Variants in PTH2R observed in about 807,000 individuals in gnomAD.
The protein encoded by PTH2R is PTH2 receptor.
In PTH2R, 59 loss-of-function variants were observed where a neutral mutation model predicts 60.3. That is an observed-to-expected ratio of 0.98 (90% confidence interval 0.79 to 1.22). The LOEUF (loss-of-function observed/expected upper bound fraction) is 1.22. PTH2R is among the 50% of genes most tolerant of loss of function. The pLI, the probability that PTH2R is intolerant of heterozygous loss-of-function variation, is 0.00. For synonymous variants in PTH2R, 256 were observed against 243.8 expected (o/e 1.05, Z -0.47); for missense variants, 749 against 682.6 (o/e 1.10, Z -1.08).
intron 9 of PTH2R, among the ~76,000 whole-genome samples, chr2:208,475,335 C>T (rs1702977216): frequency 6.6e-6 from 1 of 151,986 alleles, no homozygotes; most frequent in South Asian, 2.1e-4. Context: ...GTACATACAT[C>T]TAAGCTATGC....
rs1397906213 is a variant in PTH2R at position 208,361,602 on chromosome 2, C to G, written c.-259+1365C>G. On this transcript the variant is annotated intron_variant, in intron 1 of 12. Coordinates refer to the PTH2R transcript ENST00000617735. ...TAAATAACTCCTCTTTCCCCCTACTCCCAAGCTCCAGGCAGCTACCATTTC... is the reference window on the plus strand; with the variant it reads ...TAAATAACTCCTCTTTCCCCCTACTGCCAAGCTCCAGGCAGCTACCATTTC... 2.0e-5 allele frequency among the ~76,000 whole-genome samples: 3 copies of G among 152,180 alleles called. 1 individual carries two copies. The highest frequency in any genetic ancestry group is 1.3e-4 in the Admixed American group (2 of 15,282).
chr2:208,465,478 C>A (rs1702727912), intron 9 of PTH2R, among the ~76,000 whole-genome samples: 1 of 124,390 alleles, frequency 8.0e-6, no homozygotes, highest in Non-Finnish European at 1.6e-5. Flanking sequence ...TCTCAGCTCA[C>A]TGCAACCTCT....
At chr2:208,395,878 GC>G (rs1701199546) in intron 1 of PTH2R, among the ~76,000 whole-genome samples, 1 of 152,248 alleles carries the variant, frequency 6.6e-6, no homozygotes, top group South Asian at 2.1e-4. Flanking sequence ...AAAGAACAAC[GC>G]TGGAGGCATC....
At chr2:208,425,047 C>T (rs1048720579) in intron 1 of PTH2R, among the ~76,000 whole-genome samples, 2 of 151,998 alleles carry the variant, frequency 1.3e-5, no homozygotes, top group Non-Finnish European at 2.9e-5. Context: ...GATCAATGGA[C>T]TAAATAAAAA....
chr2:208,448,343 A>C (rs1324329131), intron 7 of PTH2R, among the ~76,000 whole-genome samples: 2 of 152,130 alleles, frequency 1.3e-5, no homozygotes, highest in Non-Finnish European at 2.9e-5. Flanking sequence ...AAGTTAATTT[A>C]AAGTTTTGTC....
intron 1 of PTH2R, among the ~76,000 whole-genome samples, chr2:208,396,242 T>C: frequency 6.6e-6 from 1 of 152,160 alleles, no homozygotes; most frequent in Non-Finnish European, 1.5e-5. Context: ...ATTCAGGACA[T>C]AGGCACAGGC....
At chr2:208,380,865 C>T (rs149254329) in intron 1 of PTH2R, among the ~76,000 whole-genome samples, 1,797 of 152,198 alleles carry the variant, frequency 0.012, 16 homozygotes, top group Non-Finnish European at 0.018. Flanking sequence ...GACATGCTGA[C>T]CTCCATCTGC....
chr2:208,466,528 G>A (rs1399223139), intron 9 of PTH2R: 1 of 152,236 alleles, frequency 6.6e-6, no homozygotes, highest in Non-Finnish European at 1.5e-5. Flanking sequence ...TAACGGTGAA[G>A]TTTCTTCACC....
At chr2:208,449,307 T>C (rs534970970) in intron 7 of PTH2R, among the ~76,000 whole-genome samples, 2 of 152,236 alleles carry the variant, frequency 1.3e-5, no homozygotes, top group Non-Finnish European at 2.9e-5. Context: ...GAAGTTGCTT[T>C]GTTAATTTTG....
intron 9 of PTH2R, among the ~76,000 whole-genome samples, chr2:208,474,975 C>A (rs1014483838): frequency 6.6e-6 from 1 of 152,140 alleles, no homozygotes; most frequent in Non-Finnish European, 1.5e-5. Flanking sequence ...TAACTGTCAG[C>A]TGCTGATGTG....
intron 9 of PTH2R, among the ~76,000 whole-genome samples, chr2:208,461,099 T>C (rs575129975): frequency 4.6e-5 from 7 of 152,216 alleles, no homozygotes; most frequent in Non-Finnish European, 8.8e-5. Flanking sequence ...GAGACGGAAA[T>C]AAAATACAGA....
At chr2:208,369,930 C>T (rs1419967247) in intron 1 of PTH2R, among the ~76,000 whole-genome samples, 2 of 152,010 alleles carry the variant, frequency 1.3e-5, no homozygotes, top group Middle Eastern at 3.2e-3. Context: ...GTAGAAAGAA[C>T]AATCCTAAGC....
chr2:208,395,391 GA>G (rs1348866237), intron 1 of PTH2R, among the ~76,000 whole-genome samples: 1 of 150,712 alleles, frequency 6.6e-6, no homozygotes, highest in Non-Finnish European at 1.5e-5. Context: ...GTATTGCTGT[GA>G]AAAAAAAATG....
At chr2:208,367,517 C>G (rs1030331002) in intron 1 of PTH2R, among the ~76,000 whole-genome samples, 1 of 147,106 alleles carries the variant, frequency 6.8e-6, no homozygotes, top group African/African-American at 2.5e-5. Context: ...GCCTCCCAGA[C>G]TCAAGCGATT....
chr2:208,434,039 C>T (rs770896679), intron 2 of PTH2R, among the ~76,000 whole-genome samples: 19 of 152,138 alleles, frequency 1.2e-4, no homozygotes, highest in Non-Finnish European at 8.8e-5. Flanking sequence ...TTTGGCCAGG[C>T]GCAGTGGCTC....
chr2:208,480,349 C>T (rs574255693), intron 9 of PTH2R, among the ~76,000 whole-genome samples: 1 of 152,222 alleles, frequency 6.6e-6, no homozygotes, highest in Non-Finnish European at 1.5e-5. Context: ...AATGGAGGGA[C>T]CCAGAGTTTC....
At chr2:208,365,741 CTTTT>C (rs776318745) in intron 1 of PTH2R, among the ~76,000 whole-genome samples, 2 of 126,232 alleles carry the variant, frequency 1.6e-5, no homozygotes, top group Admixed American at 8.1e-5. Context: ...GATGTAAATT[CTTTT>C]TTTTTTTTTT....
chr2:208,482,261 T>C (rs548408056), intron 10 of PTH2R, among the ~76,000 whole-genome samples: 186 of 152,160 alleles, frequency 1.2e-3, no homozygotes, highest in Non-Finnish European at 1.3e-3. Flanking sequence ...AACGGGGCTC[T>C]CTCTTTGTTC....
chr2:208,483,947 A>G (rs879757796), intron 10 of PTH2R, among the ~76,000 whole-genome samples: 8 of 152,186 alleles, frequency 5.3e-5, no homozygotes, highest in Admixed American at 1.3e-4. Flanking sequence ...TCACTTTTTA[A>G]ATAGGCTTAG....
Sources: allele counts gnomAD v4.1 joint callset (sites outside exome capture counted in the v4.1 genomes callset), GRCh38; gene constraint gnomAD v4.1.1; transcripts MANE v1.5; gene names NCBI Gene and HGNC (gene_info 2026-07-23, HGNC 2026-07-21).